SPRED1: variants seen among roughly 807,000 people sequenced by gnomAD.
SPRED1 encodes the protein sprouty related EVH1 domain containing 1.
Under a neutral mutation model 52.3 loss-of-function variants are expected in SPRED1, and 18 were observed. That is an observed-to-expected ratio of 0.34 (90% confidence interval 0.24 to 0.51). The LOEUF (loss-of-function observed/expected upper bound fraction) is 0.51. Ranked by LOEUF, SPRED1 falls within the 20% of genes least tolerant of loss-of-function variation. SPRED1 has a pLI of 0.97. For synonymous variants in SPRED1, 155 were observed against 179.7 expected (o/e 0.86, Z 1.10); for missense variants, 485 against 551.0 (o/e 0.88, Z 1.20).
intron 4 of SPRED1, among the ~76,000 whole-genome samples, chr15:38,327,812 C>T (rs1895734139): frequency 2.0e-5 from 3 of 152,160 alleles, no homozygotes; most frequent in Non-Finnish European, 4.4e-5. Context: ...TTTGAAGCTG[C>T]TAAGTTTTGT....
Position 38,252,995 on chromosome 15 carries a change from C to G in SPRED1, c.-191C>G. ...ACGGCGGAGGTTGCTGCCGCCACCC[C>G]CCTGCGGGGGTGGCCGGGGTTCCCG... On this transcript the variant is annotated 5_prime_UTR_variant, in exon 1 of 7. Coordinates refer to ENST00000299084, the MANE Select transcript of SPRED1 (RefSeq NM_152594.3). 4 of 619,446 alleles carry G rather than the reference C, an allele frequency of 6.5e-6. No homozygotes were observed. The South Asian group carries it at 7.5e-5, about 12-fold the overall frequency. 38.4% of individuals were successfully genotyped at this position (619,446 alleles called of 1,614,324 possible).
In SPRED1 at chr15:38,349,406, A is replaced by G. The variant is rs763102882; in HGVS notation, c.583-16A>G. ...AAATTCTTGTGTCATTTAAGTAGAA[A>G]TTGTTTGTATTTTAGATAACATTTG... On this transcript the variant is annotated splice_polypyrimidine_tract_variant and intron_variant, in intron 5 of 6. Transcript: ENST00000299084. 4 of 1,578,414 alleles carry G rather than the reference A, an allele frequency of 2.5e-6. 1 individual carries two copies. In the South Asian group the frequency reaches 3.3e-5, roughly 13 times the overall value.
In SPRED1 at chr15:38,351,166, T is replaced by C. The variant is rs1482646014; in HGVS notation, c.837T>C (p.Ser279=). The C allele has an allele frequency of 3.1e-6, 5 of 1,613,984 alleles. No homozygotes were observed. The Admixed American group carries it at 6.7e-5, about 22-fold the overall frequency. ...TGGAAAGAGATGATGCTGATTCCAG[T>C]ATTCAGTTTTCTAAACCAGACAGTA... The part of the protein sequence containing the change: ...NDLERDDADS[S]IQFSKPDSKK... The change falls in exon 7 of 7, where the codon AGT becomes AGC. Residue 279 remains serine, a synonymous_variant. Coordinates refer to ENST00000299084, the MANE Select transcript of SPRED1 (RefSeq NM_152594.3).
intron 1 of SPRED1, among the ~76,000 whole-genome samples, chr15:38,291,733 G>A (rs1323162383): frequency 6.6e-6 from 1 of 152,192 alleles, no homozygotes; most frequent in Non-Finnish European, 1.5e-5. Context: ...GGAGTGGCTG[G>A]TACACAGGAC....
rs937240262 is a variant in SPRED1 at position 38,253,065 on chromosome 15, C to G, written c.-121C>G. ...GGGTGAGGCATCCACCATGGTGAGG[C>G]CCCTGTGCCGCTGCCCCCGCGCCCC... is the stretch of plus-strand genomic sequence containing the variant. On this transcript the variant is annotated 5_prime_UTR_variant, in exon 1 of 7. Transcript: ENST00000299084. 1 of 805,288 alleles carries G rather than the reference C, an allele frequency of 1.2e-6. No homozygotes were observed. The allele number at this position is 805,288 out of a possible 1,614,324, so 49.9% of individuals were successfully genotyped here.
intron 1 of SPRED1, among the ~76,000 whole-genome samples, chr15:38,268,993 T>G (rs1424233703): frequency 6.6e-6 from 1 of 150,498 alleles, no homozygotes. Flanking sequence ...TAGGCTGGAG[T>G]GCAGTGGCGC....
intron 1 of SPRED1, among the ~76,000 whole-genome samples, chr15:38,282,614 T>C (rs144999949): frequency 6.6e-6 from 1 of 152,322 alleles, no homozygotes; most frequent in African/African-American, 2.4e-5. Context: ...CTGATGTCGA[T>C]GGATAAGCAG....
chr15:38,316,758 T>G (rs1189545657), intron 2 of SPRED1, among the ~76,000 whole-genome samples: 14 of 142,036 alleles, frequency 9.9e-5, no homozygotes, highest in African/African-American at 1.0e-4. Flanking sequence ...GTTTTTTTTT[T>G]TTTTTTTTTT....
chr15:38,291,706 C>G (rs1237144803), intron 1 of SPRED1, among the ~76,000 whole-genome samples: 5 of 152,336 alleles, frequency 3.3e-5, no homozygotes, highest in Admixed American at 6.5e-5. Flanking sequence ...CTATGTTGGC[C>G]CCTTTCAGCC....
chr15:38,310,328 C>T (rs930453818), intron 2 of SPRED1, among the ~76,000 whole-genome samples: 5 of 151,878 alleles, frequency 3.3e-5, no homozygotes, highest in African/African-American at 9.7e-5. Context: ...TTAGTAGAGA[C>T]GGGGGTTTCA....
At chr15:38,329,090 G>C (rs1895763137) in intron 4 of SPRED1, among the ~76,000 whole-genome samples, 1 of 152,050 alleles carries the variant, frequency 6.6e-6, no homozygotes, top group African/African-American at 2.4e-5. Context: ...TGCTGACAGA[G>C]TTGTCACAAC....
At chr15:38,323,475 A>G (rs1221064736) in intron 3 of SPRED1, among the ~76,000 whole-genome samples, 2 of 152,118 alleles carry the variant, frequency 1.3e-5, no homozygotes, top group African/African-American at 2.4e-5. Flanking sequence ...TAAAATGACT[A>G]GTCTGCACTC....
At chr15:38,302,216 T>C (rs1216011545) in intron 2 of SPRED1, among the ~76,000 whole-genome samples, 1 of 152,052 alleles carries the variant, frequency 6.6e-6, no homozygotes, top group Non-Finnish European at 1.5e-5. Flanking sequence ...TTTTAATGAG[T>C]GTTTGTAAGT....
chr15:38,317,719 AT>A (rs1895517311), intron 2 of SPRED1, among the ~76,000 whole-genome samples: 1 of 151,372 alleles, frequency 6.6e-6, no homozygotes, highest in South Asian at 2.1e-4. Flanking sequence ...CCTTAAAATT[AT>A]TTTTGCTTTT....
At chr15:38,310,654 A>G (rs1223810971) in intron 2 of SPRED1, among the ~76,000 whole-genome samples, 1 of 152,090 alleles carries the variant, frequency 6.6e-6, no homozygotes, top group Non-Finnish European at 1.5e-5. Context: ...TAGATCTTAT[A>G]TGTTTTGTTA....
chr15:38,344,741 G>A (rs1522768), intron 5 of SPRED1, among the ~76,000 whole-genome samples: 125,247 of 152,100 alleles, frequency 0.82, 52,373 homozygotes, highest in Non-Finnish European at 0.9. Context: ...AATTAATGTT[G>A]TATATAAAGC....
chr15:38,283,570 G>A (rs1894739837), intron 1 of SPRED1: 1 of 891,446 alleles, frequency 1.1e-6, no homozygotes, highest in Non-Finnish European at 1.3e-6. Context: ...ATAGAAAATT[G>A]TAGAAAATGA....
intron 4 of SPRED1, among the ~76,000 whole-genome samples, chr15:38,338,081 G>A (rs984423425): frequency 7.8e-4 from 117 of 150,500 alleles, no homozygotes; most frequent in Non-Finnish European, 1.6e-4. Context: ...GCGTGGCGGC[G>A]GGCTCCTGTA....
intron 1 of SPRED1, among the ~76,000 whole-genome samples, chr15:38,282,999 G>A (rs1398948472): frequency 1.3e-5 from 2 of 152,000 alleles, no homozygotes; most frequent in African/African-American, 4.8e-5. Flanking sequence ...CGAACATTTT[G>A]GGGTGTAATG....
Sources: allele counts gnomAD v4.1 joint callset (sites outside exome capture counted in the v4.1 genomes callset), GRCh38; gene constraint gnomAD v4.1.1; transcripts MANE v1.5; gene names NCBI Gene and HGNC (gene_info 2026-07-23, HGNC 2026-07-21).